Variants in RNF150 observed in about 807,000 individuals in gnomAD.
RNF150 encodes ring finger protein 150.
Under a neutral mutation model 39.3 loss-of-function variants are expected in RNF150, and 24 were observed. The ratio of observed to expected loss-of-function variants is 0.61; its 90% CI spans 0.44 to 0.86. The LOEUF (loss-of-function observed/expected upper bound fraction) is 0.86, where lower values mean the gene tolerates loss of function less well. Among genes scored for constraint, RNF150 ranks in the 40% least tolerant of loss-of-function variants. The pLI, the probability that RNF150 is intolerant of heterozygous loss-of-function variation, is 0.00. For missense variants in RNF150, 502 were observed against 587.8 expected, an observed-to-expected ratio of 0.85 and a Z score of 1.51; for synonymous variants, 255 against 227.3, an observed-to-expected ratio of 1.12 and a Z score of -1.10.
chr4:141,103,556 T>C (rs549749974), intron 1 of RNF150, among the ~76,000 whole-genome samples: 2 of 152,282 alleles, frequency 1.3e-5, no homozygotes, highest in African/African-American at 4.8e-5. Context: ...TGGGATATTA[T>C]TATCTAAGAC....
chr4:141,031,255 A>G (rs763636165), intron 1 of RNF150, among the ~76,000 whole-genome samples: 1 of 152,100 alleles, frequency 6.6e-6, no homozygotes, highest in Non-Finnish European at 1.5e-5. Context: ...TACAAAAATC[A>G]ATTCAAAAGG....
At chr4:141,129,981 T>G (rs146367177) in intron 1 of RNF150, among the ~76,000 whole-genome samples, 227 of 152,316 alleles carry the variant, frequency 1.5e-3, no homozygotes, top group African/African-American at 5.1e-3. Context: ...AAAACTGAAT[T>G]TAAAAGTTCA....
intron 2 of RNF150, among the ~76,000 whole-genome samples, chr4:140,952,767 G>A (rs139663929): frequency 8.9e-4 from 136 of 152,310 alleles, no homozygotes; most frequent in African/African-American, 3.1e-3. Context: ...AAGTCATTTA[G>A]GAGATGGGCT....
At chr4:140,972,236 G>T (rs1262880599) in intron 1 of RNF150, among the ~76,000 whole-genome samples, 1 of 152,062 alleles carries the variant, frequency 6.6e-6, no homozygotes, top group East Asian at 1.9e-4. Flanking sequence ...GAATGTGTAT[G>T]AAATTATTTT....
At chr4:141,045,875 A>G (rs967830868) in intron 1 of RNF150, among the ~76,000 whole-genome samples, 1 of 152,096 alleles carries the variant, frequency 6.6e-6, no homozygotes, top group African/African-American at 2.4e-5. Context: ...TATTCTAAAC[A>G]CTTTTAGACA....
chr4:141,076,225 T>C (rs149677408), intron 1 of RNF150, among the ~76,000 whole-genome samples: 56 of 152,366 alleles, frequency 3.7e-4, no homozygotes, highest in Middle Eastern at 3.4e-3. Flanking sequence ...TTTGTTCTAA[T>C]GCCCTTCTCC....
upstream of RNF150, among the ~76,000 whole-genome samples, chr4:141,135,106 G>A (rs984766489): frequency 1.3e-5 from 2 of 152,220 alleles, no homozygotes; most frequent in African/African-American, 2.4e-5. Context: ...TAAAATAGGA[G>A]CGAGGTTTCT....
chr4:140,911,391 T>G, intron 5 of RNF150, 37 bp from the exon 6 acceptor site: 3 of 1,560,466 alleles, frequency 1.9e-6, no homozygotes, highest in Non-Finnish European at 2.6e-6. Context: ...TCAGTACATG[T>G]CATCCACTTA....
intron 1 of RNF150, among the ~76,000 whole-genome samples, chr4:140,993,151 A>T (rs1734254537): frequency 6.6e-6 from 1 of 152,198 alleles, no homozygotes; most frequent in Admixed American, 6.5e-5. Flanking sequence ...TTTAGAGATC[A>T]GAAACATGAA....
At chr4:140,869,239 G>A (rs1439550487) in intron 6 of RNF150, among the ~76,000 whole-genome samples, 1 of 152,182 alleles carries the variant, frequency 6.6e-6, no homozygotes, top group African/African-American at 2.4e-5. Context: ...AGAATTTGTA[G>A]TTACATGAGA....
chr4:140,906,172 A>T (rs1435546161), intron 6 of RNF150, among the ~76,000 whole-genome samples: 1 of 152,140 alleles, frequency 6.6e-6, no homozygotes, highest in Non-Finnish European at 1.5e-5. Flanking sequence ...TAGAATTTTC[A>T]TTCAGGGGCA....
At chr4:141,165,326 T>G (rs776731695) in intron 1 of RNF150, among the ~76,000 whole-genome samples, 1 of 152,120 alleles carries the variant, frequency 6.6e-6, no homozygotes, top group Non-Finnish European at 1.5e-5. Flanking sequence ...CAAAGAGACT[T>G]GCACTCCCAC....
intron 1 of RNF150, among the ~76,000 whole-genome samples, chr4:141,099,458 G>A (rs2111031955): frequency 6.6e-6 from 1 of 152,194 alleles, no homozygotes; most frequent in Non-Finnish European, 1.5e-5. Context: ...GAAGCTGGGG[G>A]AAACAAAATT....
At chr4:141,180,424 A>G (rs1214281990) in intron 1 of RNF150, among the ~76,000 whole-genome samples, 1 of 152,168 alleles carries the variant, frequency 6.6e-6, no homozygotes, top group African/African-American at 2.4e-5. Context: ...AGCTAAAAAG[A>G]ATAATAATAA....
At chr4:140,888,552 T>C (rs1729655427) in intron 6 of RNF150, among the ~76,000 whole-genome samples, 1 of 152,168 alleles carries the variant, frequency 6.6e-6, no homozygotes, top group Non-Finnish European at 1.5e-5. Context: ...AATTCCTTGC[T>C]ATGAGTTTAG....
At chr4:140,913,554 A>G (rs1730700360) in intron 5 of RNF150, among the ~76,000 whole-genome samples, 1 of 152,080 alleles carries the variant, frequency 6.6e-6, no homozygotes, top group Non-Finnish European at 1.5e-5. Flanking sequence ...TCACCCTTTA[A>G]TTCCCAGGTC....
chr4:140,965,653 A>G (rs989399647), intron 2 of RNF150, among the ~76,000 whole-genome samples: 2 of 152,168 alleles, frequency 1.3e-5, no homozygotes, highest in African/African-American at 2.4e-5. Context: ...TCAGCCAGAC[A>G]TAGAAAGAAA....
At chr4:141,140,833 C>T (rs976529855) in intron 1 of RNF150, among the ~76,000 whole-genome samples, 17 of 152,176 alleles carry the variant, frequency 1.1e-4, no homozygotes, top group African/African-American at 3.6e-4. Context: ...AATACTTTCC[C>T]TTTTATGATG....
chr4:141,179,755 A>G (rs1286289284), intron 1 of RNF150, among the ~76,000 whole-genome samples: 1 of 152,170 alleles, frequency 6.6e-6, no homozygotes, highest in Admixed American at 6.6e-5. Flanking sequence ...CGCAGGGGAA[A>G]GATTAGACAG....
Sources: allele counts gnomAD v4.1 joint callset (sites outside exome capture counted in the v4.1 genomes callset), GRCh38; gene constraint gnomAD v4.1.1; transcripts MANE v1.5; gene names NCBI Gene and HGNC (gene_info 2026-07-23, HGNC 2026-07-21).